The following PRKG1 variants were observed in gnomAD, a reference collection of about 807,000 sequenced individuals.
The protein encoded by PRKG1 is cGMP-dependent protein kinase 1.
PRKG1 carries 35 observed loss-of-function variants against 88.1 expected under a neutral mutation model. The observed-to-expected ratio is 0.40, with a 90% CI of 0.30 to 0.53. The LOEUF (loss-of-function observed/expected upper bound fraction) is 0.53. PRKG1 is among the 20% of genes least tolerant of loss of function. The pLI, the probability that PRKG1 is intolerant of heterozygous loss-of-function variation, is 0.59. For missense variants in PRKG1, 540 were observed against 839.8 expected, an observed-to-expected ratio of 0.64 and a Z score of 4.41; for synonymous variants, 303 against 292.5, an observed-to-expected ratio of 1.04 and a Z score of -0.37.
chr10:51,157,809 TTTTTTGCATTTCAAATTTTA>T (rs537429402), intron 2 of PRKG1, among the ~76,000 whole-genome samples: 10,044 of 151,792 alleles, frequency 0.066, 677 homozygotes, highest in African/African-American at 0.17. Flanking sequence ...CATCAATTTT[TTTTTTGCATTTCAAATTTTA>T]TTTTTGCATT....
chr10:52,245,464 A>G (rs2132388385), intron 9 of PRKG1, among the ~76,000 whole-genome samples: 1 of 152,256 alleles, frequency 6.6e-6, no homozygotes, highest in South Asian at 2.1e-4. Context: ...ACAAGTGATG[A>G]GCTTTTGATA....
At chr10:51,509,691 A>T (rs1841334672) in intron 3 of PRKG1, among the ~76,000 whole-genome samples, 1 of 152,074 alleles carries the variant, frequency 6.6e-6, no homozygotes, top group Non-Finnish European at 1.5e-5. Context: ...CTGAATACCT[A>T]ATATGGTCCA....
chr10:51,417,453 T>G (rs374545537), intron 2 of PRKG1, among the ~76,000 whole-genome samples: 8 of 152,218 alleles, frequency 5.3e-5, no homozygotes. Context: ...CACAGCTTGT[T>G]GGAGGCTCTG....
chr10:51,127,603 A>C (rs1845463810), intron 1 of PRKG1, among the ~76,000 whole-genome samples: 2 of 152,198 alleles, frequency 1.3e-5, no homozygotes, highest in Non-Finnish European at 2.9e-5. Flanking sequence ...CAATCTCATC[A>C]CTGGGTATAT....
intron 2 of PRKG1, among the ~76,000 whole-genome samples, chr10:51,173,682 G>A (rs917397948): frequency 6.6e-6 from 1 of 151,778 alleles, no homozygotes; most frequent in Non-Finnish European, 1.5e-5. Context: ...TATCATGCAT[G>A]ACAAGTGTAT....
chr10:51,767,730 A>G (rs1173627180), intron 3 of PRKG1, among the ~76,000 whole-genome samples: 1 of 152,184 alleles, frequency 6.6e-6, no homozygotes, highest in Non-Finnish European at 1.5e-5. Flanking sequence ...CTCACAAATC[A>G]GTAGTTCTGT....
intron 4 of PRKG1, among the ~76,000 whole-genome samples, chr10:51,817,344 C>CTTAG (rs1464544745): frequency 9.5e-5 from 8 of 84,432 alleles, no homozygotes; most frequent in Middle Eastern, 6.4e-3. Flanking sequence ...CTATCCCTCC[C>CTTAG]CAACCCCCCC....
intron 2 of PRKG1, among the ~76,000 whole-genome samples, chr10:51,185,235 G>T (rs1039294945): frequency 6.6e-6 from 1 of 152,082 alleles, no homozygotes; most frequent in Non-Finnish European, 1.5e-5. Context: ...ATGGGATGTT[G>T]TGAGAATTAA....
At chr10:51,481,824 G>A (rs9663745) in intron 3 of PRKG1, among the ~76,000 whole-genome samples, 79,759 of 151,270 alleles carry the variant, frequency 0.53, 22,356 homozygotes, top group East Asian at 0.9. Context: ...TCATTATTTC[G>A]CCTTGAAATG....
intron 2 of PRKG1, among the ~76,000 whole-genome samples, chr10:51,161,520 C>G (rs1364046977): frequency 6.6e-6 from 1 of 152,054 alleles, no homozygotes; most frequent in African/African-American, 2.4e-5. Context: ...TAGGAAGAGG[C>G]ATAGTGTGGC....
At chr10:51,609,279 A>G (rs956661052) in intron 3 of PRKG1, among the ~76,000 whole-genome samples, 6 of 152,152 alleles carry the variant, frequency 3.9e-5, no homozygotes, top group Non-Finnish European at 8.8e-5. Context: ...CCAGTCATTC[A>G]CTGACTTACC....
At chr10:51,183,194 A>G (rs1040762283) in intron 2 of PRKG1, among the ~76,000 whole-genome samples, 1 of 152,212 alleles carries the variant, frequency 6.6e-6, no homozygotes, top group Non-Finnish European at 1.5e-5. Flanking sequence ...CCTGCTTTGT[A>G]TGTAATGACA....
At chr10:52,258,375 T>C (rs1589739868) in intron 10 of PRKG1, among the ~76,000 whole-genome samples, 1 of 141,146 alleles carries the variant, frequency 7.1e-6, no homozygotes, top group African/African-American at 2.5e-5. Context: ...CCAAGAAATA[T>C]TATTTCTTTA....
intron 2 of PRKG1, among the ~76,000 whole-genome samples, chr10:51,339,513 T>A (rs1044186960): frequency 2.9e-4 from 44 of 151,936 alleles, no homozygotes; most frequent in Admixed American, 1.1e-3. Context: ...TACATATATA[T>A]ACATTCACTG....
chr10:51,433,562 C>A (rs1018636), intron 2 of PRKG1, among the ~76,000 whole-genome samples: 109,775 of 151,914 alleles, frequency 0.72, 40,115 homozygotes, highest in Non-Finnish European at 0.78. Context: ...CCTGCCAGGC[C>A]TTTGGCTTTT....
chr10:52,249,973 T>TGCTTGACC (rs1282024417), intron 9 of PRKG1, among the ~76,000 whole-genome samples: 3 of 152,182 alleles, frequency 2.0e-5, no homozygotes, highest in Non-Finnish European at 1.5e-5. Flanking sequence ...GGCCAGGAAA[T>TGCTTGACC]GCTTGACCAC....
At chr10:52,117,200 G>GTGTGTA (rs1001796873) in intron 7 of PRKG1, among the ~76,000 whole-genome samples, 2 of 146,630 alleles carry the variant, frequency 1.4e-5, no homozygotes, top group African/African-American at 5.0e-5. Flanking sequence ...GTGTGTGTGT[G>GTGTGTA]TATGATTGGT....
At chr10:51,287,489 T>C (rs1840472214) in intron 2 of PRKG1, among the ~76,000 whole-genome samples, 1 of 152,188 alleles carries the variant, frequency 6.6e-6, no homozygotes, top group Non-Finnish European at 1.5e-5. Flanking sequence ...CTACGGGCAG[T>C]TCAGATGAAG....
At chr10:51,934,147 A>G (rs1263443048) in intron 5 of PRKG1, among the ~76,000 whole-genome samples, 1 of 152,072 alleles carries the variant, frequency 6.6e-6, no homozygotes, top group East Asian at 1.9e-4. Context: ...AAAAGCCATC[A>G]CCCAGATTCC....
Sources: gnomAD v4.1 joint callset for allele counts (sites outside exome capture counted in the v4.1 genomes callset) on GRCh38, gnomAD v4.1.1 for gene constraint, MANE v1.5 for transcripts, NCBI Gene and HGNC (gene_info 2026-07-23, HGNC 2026-07-21) for gene names.